Variants in ZDHHC17 observed in about 807,000 individuals in gnomAD.
ZDHHC17 encodes the protein palmitoyltransferase ZDHHC17.
ZDHHC17 carries 40 observed loss-of-function variants against 90.3 expected under a neutral mutation model. That is an observed-to-expected ratio of 0.44 (90% CI 0.34 to 0.58). The LOEUF (loss-of-function observed/expected upper bound fraction) is 0.58. Ranked by LOEUF, ZDHHC17 falls within the 20% of genes least tolerant of loss-of-function variation. The pLI is 0.01. For synonymous variants in ZDHHC17, 235 were observed against 252.4 expected (o/e 0.93, Z 0.65); for missense variants, 614 against 780.8 (o/e 0.79, Z 2.55).
chr12:76,802,881 T>C (rs1159373680), intron 2 of ZDHHC17, among the ~76,000 whole-genome samples: 1 of 152,232 alleles, frequency 6.6e-6, no homozygotes, highest in African/African-American at 2.4e-5. Flanking sequence ...ACATATTCAG[T>C]AGAAATCATG....
At chr12:76,844,991 C>T (rs1953476843) in intron 12 of ZDHHC17, 1 of 151,846 alleles carries the variant, frequency 6.6e-6, no homozygotes. Flanking sequence ...AAACAGACAT[C>T]ATAAGCATGG....
chr12:76,809,388 C>A (rs188744302), intron 4 of ZDHHC17, among the ~76,000 whole-genome samples: 1 of 151,806 alleles, frequency 6.6e-6, no homozygotes, highest in Non-Finnish European at 1.5e-5. Flanking sequence ...ATTTTTGCAG[C>A]CTGTATATAT....
At chr12:76,837,146 G>GT (rs1289586540) in intron 10 of ZDHHC17, among the ~76,000 whole-genome samples, 11 of 152,132 alleles carry the variant, frequency 7.2e-5, no homozygotes, top group South Asian at 4.1e-4. Context: ...AGGTTTTTGT[G>GT]TTTTTTTGAT....
chr12:76,800,906 T>TA (rs1555183482), intron 2 of ZDHHC17, among the ~76,000 whole-genome samples: 6 of 149,086 alleles, frequency 4.0e-5, no homozygotes, highest in Non-Finnish European at 5.9e-5. Flanking sequence ...TTTTTTTTTT[T>TA]AGACAGAGTC....
At chr12:76,800,839 T>G (rs1182562594) in intron 2 of ZDHHC17, among the ~76,000 whole-genome samples, 2 of 151,726 alleles carry the variant, frequency 1.3e-5, no homozygotes, top group Admixed American at 1.3e-4. Flanking sequence ...CCATTTACAT[T>G]TAAAGTAATT....
At chr12:76,784,532 G>C (rs1040893844) in intron 1 of ZDHHC17, among the ~76,000 whole-genome samples, 1 of 152,190 alleles carries the variant, frequency 6.6e-6, no homozygotes, top group Non-Finnish European at 1.5e-5. Flanking sequence ...ACATCAATTT[G>C]TGAGGAAAAA....
At chr12:76,849,337 A>C (rs934548860) in intron 15 of ZDHHC17, 39 bp from the exon 16 acceptor site, 79 of 1,127,928 alleles carry the variant, frequency 7.0e-5, no homozygotes, top group Non-Finnish European at 9.4e-5. Flanking sequence ...AAAAAAAAAA[A>C]AAAACAAGAA....
chr12:76,810,610 AG>A (rs1953008151), intron 5 of ZDHHC17, among the ~76,000 whole-genome samples: 1 of 152,174 alleles, frequency 6.6e-6, no homozygotes. Context: ...AAGGTTTTAC[AG>A]TATTTGTTGT....
At chr12:76,778,206 G>GT (rs994025398) in intron 1 of ZDHHC17, among the ~76,000 whole-genome samples, 16 of 151,536 alleles carry the variant, frequency 1.1e-4, no homozygotes, top group African/African-American at 3.4e-4. Flanking sequence ...GGCAAGGGAA[G>GT]TTTTTTTTTG....
At chr12:76,811,671 T>G (rs1953023635) in intron 5 of ZDHHC17, among the ~76,000 whole-genome samples, 2 of 152,138 alleles carry the variant, frequency 1.3e-5, no homozygotes. Flanking sequence ...ATGTTTATTA[T>G]GAAATATTCA....
intron 10 of ZDHHC17, among the ~76,000 whole-genome samples, chr12:76,833,966 T>G (rs1327443391): frequency 6.6e-6 from 1 of 152,172 alleles, no homozygotes; most frequent in Non-Finnish European, 1.5e-5. Context: ...GAGAGTTTTA[T>G]CAGTTACGCT....
intron 1 of ZDHHC17, among the ~76,000 whole-genome samples, chr12:76,768,385 C>A (rs950771219): frequency 1.3e-5 from 2 of 152,132 alleles, no homozygotes; most frequent in Non-Finnish European, 2.9e-5. Context: ...CTCAAGTGTT[C>A]TGGTTTTAAA....
At chr12:76,794,821 A>G (rs1331843934) in intron 1 of ZDHHC17, among the ~76,000 whole-genome samples, 3 of 152,190 alleles carry the variant, frequency 2.0e-5, no homozygotes, top group African/African-American at 7.2e-5. Context: ...AGTTTCTTGA[A>G]AACTTTATGA....
chr12:76,816,647 A>G (rs1953091083), intron 7 of ZDHHC17, among the ~76,000 whole-genome samples: 1 of 152,018 alleles, frequency 6.6e-6, no homozygotes, highest in African/African-American at 2.4e-5. Flanking sequence ...CAGGACACAT[A>G]CTAATCTGAA....
rs188154434 is a variant in ZDHHC17, at chr12:76,847,669, C to T, written c.1508-564C>T. On this transcript the variant is annotated intron_variant, in intron 14 of 16. Transcript: ENST00000426126. ...AGGAGTTTGAGACCAGCCTGGGCAA[C>T]GTAGGAAGAGAGACCCCATCTCTAC... 7.2e-5 allele frequency among the ~76,000 whole-genome samples: 11 copies of T among 152,198 alleles called. No homozygotes were observed. In the East Asian group the frequency reaches 1.9e-3, roughly 27 times the overall value.
intron 7 of ZDHHC17, among the ~76,000 whole-genome samples, chr12:76,816,934 T>A (rs1953095269): frequency 6.6e-6 from 1 of 152,058 alleles, no homozygotes; most frequent in Non-Finnish European, 1.5e-5. Context: ...TAAAAAAATT[T>A]CAAGTCTTCT....
chr12:76,783,971 C>CA (rs1470539497), intron 1 of ZDHHC17, among the ~76,000 whole-genome samples: 3 of 152,200 alleles, frequency 2.0e-5, no homozygotes, highest in African/African-American at 7.2e-5. Flanking sequence ...CTGGAGGGAG[C>CA]AGAGTGTGTG....
At chr12:76,785,219 T>C (rs573263229) in intron 1 of ZDHHC17, among the ~76,000 whole-genome samples, 16 of 152,354 alleles carry the variant, frequency 1.1e-4, no homozygotes, top group African/African-American at 3.8e-4. Context: ...AAATATTGCA[T>C]TAACTTGGTT....
chr12:76,816,857 A>C (rs1263876774), intron 7 of ZDHHC17, among the ~76,000 whole-genome samples: 1 of 152,076 alleles, frequency 6.6e-6, no homozygotes, highest in Non-Finnish European at 1.5e-5. Context: ...ACAAACATTT[A>C]GTTAAAAGTA....
Sources: gnomAD v4.1 joint callset for allele counts (sites outside exome capture counted in the v4.1 genomes callset) on GRCh38, gnomAD v4.1.1 for gene constraint, MANE v1.5 for transcripts, NCBI Gene and HGNC (gene_info 2026-07-23, HGNC 2026-07-21) for gene names.